The following RAC1 variants were observed in gnomAD, a reference collection of about 807,000 sequenced individuals.
RAC1 encodes Rac family small GTPase 1.
A neutral mutation model predicts 25.2 loss-of-function variants in RAC1; 2 were observed. The ratio of observed to expected loss-of-function variants is 0.08; its 90% CI spans 0.03 to 0.25. RAC1 has a LOEUF of 0.25. RAC1 is among the 10% of genes least tolerant of loss of function. RAC1 has a pLI of 1.00. For synonymous variants in RAC1, 88 were observed against 94.0 expected (o/e 0.94, Z 0.37); for missense variants, 50 against 235.7 (o/e 0.21, Z 5.16).
chr7:6,393,586 G>C (rs1783149828), intron 3 of RAC1, among the ~76,000 whole-genome samples: 1 of 152,214 alleles, frequency 6.6e-6, no homozygotes, highest in Non-Finnish European at 1.5e-5. Context: ...AAGCTGTAGA[G>C]TGTGACGCCT....
At chr7:6,398,009 G>C (rs1783295743) in intron 3 of RAC1, among the ~76,000 whole-genome samples, 1 of 152,126 alleles carries the variant, frequency 6.6e-6, no homozygotes, top group Non-Finnish European at 1.5e-5. Context: ...GTCCTTAAGG[G>C]GTGGCTTCCC....
At chr7:6,390,659 TAGAA>T (rs1277997325) in intron 2 of RAC1, among the ~76,000 whole-genome samples, 9 of 152,196 alleles carry the variant, frequency 5.9e-5, no homozygotes, top group East Asian at 3.9e-4. Context: ...ATGTTGTACT[TAGAA>T]AGGCCTTTCC....
chr7:6,393,785 G>T (rs1292722351), intron 3 of RAC1, among the ~76,000 whole-genome samples: 1 of 152,182 alleles, frequency 6.6e-6, no homozygotes, highest in African/African-American at 2.4e-5. Flanking sequence ...TAGCAAGGGG[G>T]TGAGCCGGGC....
intron 3 of RAC1, among the ~76,000 whole-genome samples, chr7:6,396,157 G>A (rs770677795): frequency 2.0e-5 from 3 of 152,200 alleles, no homozygotes; most frequent in East Asian, 3.8e-4. Flanking sequence ...AACATAGGCC[G>A]GTGACCGGAG....
At chr7:6,385,158 C>T (rs983665555) in intron 1 of RAC1, among the ~76,000 whole-genome samples, 2 of 152,104 alleles carry the variant, frequency 1.3e-5, no homozygotes, top group Non-Finnish European at 2.9e-5. Flanking sequence ...TGTACATTTC[C>T]AGAGCTGCTT....
At chr7:6,390,031 TTCCCTC>T (rs1562465902) in intron 2 of RAC1, among the ~76,000 whole-genome samples, 1 of 62,892 alleles carries the variant, frequency 1.6e-5, no homozygotes, top group Non-Finnish European at 3.5e-5. Flanking sequence ...CTCCTACTCC[TTCCCTC>T]CTTCCCTCCT....
At chr7:6,401,759 C>T (rs1300143368) in intron 4 of RAC1, 109 bp from the exon 5 acceptor site, 1 of 1,223,534 alleles carries the variant, frequency 8.2e-7, no homozygotes, top group Non-Finnish European at 1.1e-6. Context: ...GTGGGGAGGC[C>T]TTGCCTGAGG....
rs1337454632 is a variant in RAC1, at chr7:6,403,605, ATATTT to A, written c.*1162_*1166del. The A allele has an allele frequency of 1.9e-5, 4 of 214,536 alleles. No individual in the cohort carries two copies. Among genetic ancestry groups the A allele is most frequent in the Non-Finnish European group, 3.8e-5 (4 of 105,964 alleles). The allele number at this position is 214,536 out of a possible 1,614,324, so 13.3% of individuals were successfully genotyped here. On this transcript the variant is annotated 3_prime_UTR_variant, in exon 6 of 6. Coordinates refer to ENST00000348035, the MANE Select transcript of RAC1 (RefSeq NM_006908.5). ...GTGTTGCAGCTTTATAGTTTTTAAAATATTTTAGATAATTCTTAAACTATGAACCT... is the reference window on the plus strand; with the variant it reads ...GTGTTGCAGCTTTATAGTTTTTAAAATAGATAATTCTTAAACTATGAACCT...
At chr7:6,374,839 G>T in intron 1 of RAC1, 69 bp downstream of exon 1, 1 of 1,048,252 alleles carries the variant, frequency 9.5e-7, no homozygotes, top group Non-Finnish European at 1.2e-6. Context: ...GGCCCGGACT[G>T]GGGCCCAGGC....
intron 1 of RAC1, 68 bp downstream of exon 1, chr7:6,374,838 T>G: frequency 7.6e-6 from 8 of 1,047,072 alleles, no homozygotes; most frequent in Non-Finnish European, 9.3e-6. Context: ...GGGCCCGGAC[T>G]GGGGCCCAGG....
intron 4 of RAC1, among the ~76,000 whole-genome samples, chr7:6,401,074 G>T (rs958018068): frequency 2.0e-5 from 3 of 152,112 alleles, no homozygotes. Flanking sequence ...TCCTGCCTCA[G>T]CCTCCTTAGT....
chr7:6,397,262 GAAAAA>G (rs369682565), intron 3 of RAC1, among the ~76,000 whole-genome samples: 3,369 of 139,792 alleles, frequency 0.024, 63 homozygotes, highest in Middle Eastern at 0.044. Context: ...AGAAAAAAAA[GAAAAA>G]AAGAAAAGCT....
chr7:6,399,402 G>C (rs1783337151), intron 3 of RAC1, among the ~76,000 whole-genome samples: 1 of 152,212 alleles, frequency 6.6e-6, no homozygotes, highest in Non-Finnish European at 1.5e-5. Flanking sequence ...TTTAAATACA[G>C]GTGAATATTT....
chr7:6,387,191 C>G (rs752144434), intron 1 of RAC1, 21 bp from the exon 2 acceptor site: 76 of 1,503,976 alleles, frequency 5.1e-5, no homozygotes, highest in Non-Finnish European at 6.5e-5. Flanking sequence ...ACTAAGCAAC[C>G]TTTTTTCTCT....
rs1467133258 is a variant in RAC1, at chr7:6,375,941, C to T, written c.35+1171C>T. ...GGTTAGTGTTAGCGAGGAAGAATTA[C>T]TACCAGTTTAATCAAACTCAATGCA... On this transcript the variant is annotated intron_variant, in intron 1 of 5. Coordinates refer to ENST00000348035, the MANE Select transcript of RAC1 (RefSeq NM_006908.5). The T allele has an allele frequency of 2.0e-5, 3 of 152,206 alleles. No individual in the cohort carries two copies. In the East Asian group the frequency reaches 5.8e-4, roughly 29 times the overall value. 9.4% of individuals were successfully genotyped at this position (152,206 alleles called of 1,614,324 possible). A position where few individuals can be genotyped will look rare whatever the true frequency, so the allele number is the denominator to read the frequency against.
At position 6,403,502 on chromosome 7, in the gene RAC1, A is replaced by G. The variant is rs1400018956; in HGVS notation, c.*1056A>G. 1.4e-5 allele frequency: 3 copies of G among 220,106 alleles called. No individual in the cohort carries two copies. Among genetic ancestry groups the G allele is most frequent in the Middle Eastern group, 2.7e-3 (2 of 730 alleles). The allele number at this position is 220,106 out of a possible 1,614,324, so 13.6% of individuals were successfully genotyped here. On this transcript the variant is annotated 3_prime_UTR_variant, in exon 6 of 6. Coordinates refer to ENST00000348035, the MANE Select transcript of RAC1 (RefSeq NM_006908.5). Reference sequence around the variant, plus strand: ...TAGAAGGTTTTTTTGTCGATTAGTAAAAGTGCTTTCCATGTTACTTTATTC... The same window carrying G: ...TAGAAGGTTTTTTTGTCGATTAGTAGAAGTGCTTTCCATGTTACTTTATTC...
chr7:6,392,985 G>T (rs1783130066), intron 3 of RAC1, among the ~76,000 whole-genome samples: 1 of 152,210 alleles, frequency 6.6e-6, no homozygotes, highest in Non-Finnish European at 1.5e-5. Flanking sequence ...CTGTTCCTCA[G>T]TGTGCGGGTG....
rs897558664 is a variant in RAC1 at position 6,403,160 on chromosome 7, A to G, written c.*714A>G. ...GGGTGTGTGTGATCAAAGGACAAAGACAGTATTTTGACAAAATACGAAGTG... is the reference window on the plus strand; with the variant it reads ...GGGTGTGTGTGATCAAAGGACAAAGGCAGTATTTTGACAAAATACGAAGTG... On this transcript the variant is annotated 3_prime_UTR_variant, in exon 6 of 6. Coordinates refer to ENST00000348035, the MANE Select transcript of RAC1 (RefSeq NM_006908.5). 4.6e-6 allele frequency: 1 copy of G among 219,528 alleles called. No homozygotes were observed. Among genetic ancestry groups the G allele is most frequent in the African/African-American group, 2.2e-5 (1 of 44,458 alleles). 13.6% of individuals were successfully genotyped at this position (219,528 alleles called of 1,614,324 possible).
intron 1 of RAC1, among the ~76,000 whole-genome samples, chr7:6,382,620 TTG>T (rs1262342106): frequency 3.9e-5 from 6 of 152,216 alleles, no homozygotes; most frequent in Non-Finnish European, 7.3e-5. Flanking sequence ...CCCCAGCACT[TTG>T]GGAGGCCGAT....
Sources: allele counts gnomAD v4.1 joint callset (sites outside exome capture counted in the v4.1 genomes callset), GRCh38; gene constraint gnomAD v4.1.1; transcripts MANE v1.5; gene names NCBI Gene and HGNC (gene_info 2026-07-23, HGNC 2026-07-21).